Variants in MIR2052HG observed in about 807,000 individuals in gnomAD.
MIR2052HG encodes the protein MIR2052 host gene.
intron 2 of MIR2052HG, among the ~76,000 whole-genome samples, chr8:74,617,472 TGTGTG>T (rs1195474081): frequency 6.6e-6 from 1 of 151,910 alleles, no homozygotes; most frequent in African/African-American, 2.4e-5. Flanking sequence ...TGTGTGTGTG[TGTGTG>T]TGTGTGTGTG....
At chr8:74,675,663 A>G (rs1809043552) in intron 2 of MIR2052HG, among the ~76,000 whole-genome samples, 1 of 152,000 alleles carries the variant, frequency 6.6e-6, no homozygotes, top group Non-Finnish European at 1.5e-5. Flanking sequence ...GACCTTTCTG[A>G]AGAATGACAG....
chr8:74,735,647 T>C (rs1181450914), intron 4 of MIR2052HG, among the ~76,000 whole-genome samples: 3 of 152,098 alleles, frequency 2.0e-5, no homozygotes, highest in Non-Finnish European at 4.4e-5. Flanking sequence ...CTTTGCTTCA[T>C]GAGATTCACA....
intron 2 of MIR2052HG, among the ~76,000 whole-genome samples, chr8:74,660,250 G>A (rs951611671): frequency 1.3e-5 from 2 of 152,168 alleles, no homozygotes; most frequent in Non-Finnish European, 2.9e-5. Flanking sequence ...AGTGGACCTG[G>A]ACTGAGCTTA....
chr8:74,651,397 G>T (rs888746408), intron 2 of MIR2052HG, among the ~76,000 whole-genome samples: 2 of 152,050 alleles, frequency 1.3e-5, no homozygotes, highest in African/African-American at 4.8e-5. Context: ...ATTCTTCTGT[G>T]AGTAAAAGTA....
Position 74,703,775 on chromosome 8 carries a change from T to C in MIR2052HG, n.371+93T>C, listed in dbSNP as rs1238958420. ...TGGTCCCCTTTCATACCACCATGAG[T>C]CTAGTCAAAGCTGATAGCGGGTTAA... is the stretch of plus-strand genomic sequence containing the variant. On this transcript the variant is annotated intron_variant and non_coding_transcript_variant, in intron 4 of 6. Transcript: ENST00000523442. The C allele has an allele frequency of 2.1e-5, 8 of 373,206 alleles. No homozygotes were observed. In the East Asian group the frequency reaches 5.4e-4, roughly 25 times the overall value. The allele number at this position is 373,206 out of a possible 1,614,324, so 23.1% of individuals were successfully genotyped here. A position where few individuals can be genotyped will look rare whatever the true frequency, so the allele number is the denominator to read the frequency against.
chr8:74,735,797 A>G lies in MIR2052HG; in HGVS notation n.372-16644A>G, dbSNP rs75401673. Among the ~76,000 whole-genome samples, 908 of 152,318 alleles carry G rather than the reference A, an allele frequency of 6.0e-3. 3 individuals are homozygous for G. Among genetic ancestry groups the G allele is most frequent in the East Asian group, 0.021 (109 of 5,176 alleles). ...CTCAAATGACTGATGTTGTCTCTAAATTGTGCTTGTGAAATCAAAAAAGGA... is the reference window on the plus strand; with the variant it reads ...CTCAAATGACTGATGTTGTCTCTAAGTTGTGCTTGTGAAATCAAAAAAGGA... On this transcript the variant is annotated intron_variant and non_coding_transcript_variant, in intron 4 of 6. Coordinates refer to ENST00000523442, the Ensembl canonical transcript of MIR2052HG.
chr8:74,725,557 G>A (rs1379243092), intron 4 of MIR2052HG, among the ~76,000 whole-genome samples: 2 of 152,184 alleles, frequency 1.3e-5, no homozygotes, highest in African/African-American at 4.8e-5. Context: ...GAATTCTGAT[G>A]TTGTTATATA....
chr8:74,693,237 C>T (rs779339064), intron 2 of MIR2052HG, among the ~76,000 whole-genome samples: 4 of 152,194 alleles, frequency 2.6e-5, no homozygotes, highest in Non-Finnish European at 4.4e-5. Flanking sequence ...AAGTGAAATA[C>T]ATGGCTAGAA....
chr8:74,694,690 A>G (rs1809277891), intron 2 of MIR2052HG, among the ~76,000 whole-genome samples: 1 of 152,246 alleles, frequency 6.6e-6, no homozygotes, highest in Non-Finnish European at 1.5e-5. Context: ...AGAGAAATGC[A>G]ATATACACTG....
At chr8:74,732,277 G>T (rs1809700410) in intron 4 of MIR2052HG, among the ~76,000 whole-genome samples, 1 of 152,094 alleles carries the variant, frequency 6.6e-6, no homozygotes, top group Admixed American at 6.6e-5. Context: ...ATGTGTGTAG[G>T]TTATAAGCAA....
At chr8:74,745,371 A>T (rs1290710128) in intron 4 of MIR2052HG, among the ~76,000 whole-genome samples, 1 of 152,236 alleles carries the variant, frequency 6.6e-6, no homozygotes, top group East Asian at 1.9e-4. Flanking sequence ...GTAAATAAGC[A>T]TTGATTTATT....
At chr8:74,625,771 A>C (rs988823311) in intron 2 of MIR2052HG, among the ~76,000 whole-genome samples, 4 of 152,228 alleles carry the variant, frequency 2.6e-5, no homozygotes, top group African/African-American at 9.6e-5. Context: ...TTTCATTGAC[A>C]AATGTAATAT....
intron 4 of MIR2052HG, chr8:74,752,340 T>C (rs1016125959): frequency 5.7e-6 from 2 of 349,016 alleles, no homozygotes; most frequent in African/African-American, 4.5e-5. Context: ...AATTACTAAT[T>C]TCAAAGGCAT....
chr8:74,692,024 C>G (rs1174680430), intron 2 of MIR2052HG, among the ~76,000 whole-genome samples: 1 of 152,136 alleles, frequency 6.6e-6, no homozygotes, highest in African/African-American at 2.4e-5. Context: ...TCTCAAAGGA[C>G]CACCATTGAG....
At chr8:74,652,969 A>T (rs1202874173) in intron 2 of MIR2052HG, among the ~76,000 whole-genome samples, 2 of 152,220 alleles carry the variant, frequency 1.3e-5, no homozygotes. Flanking sequence ...AGCATGCCAT[A>T]ACAAATTCCA....
At chr8:74,619,791 TA>T (rs1289226316) in intron 2 of MIR2052HG, among the ~76,000 whole-genome samples, 3 of 152,052 alleles carry the variant, frequency 2.0e-5, no homozygotes, top group Non-Finnish European at 4.4e-5. Flanking sequence ...ACACAAAACT[TA>T]ACTATATCTT....
At chr8:74,662,699 A>G (rs1808878195) in intron 2 of MIR2052HG, among the ~76,000 whole-genome samples, 1 of 152,166 alleles carries the variant, frequency 6.6e-6, no homozygotes, top group African/African-American at 2.4e-5. Context: ...GTTTCCACTT[A>G]TAGGGTGGAA....
chr8:74,687,320 A>C (rs1465910112), intron 2 of MIR2052HG, among the ~76,000 whole-genome samples: 1 of 152,316 alleles, frequency 6.6e-6, no homozygotes, highest in East Asian at 1.9e-4. Flanking sequence ...GAACTACCAT[A>C]TGATCCAGCA....
intron 4 of MIR2052HG, among the ~76,000 whole-genome samples, chr8:74,729,108 C>T (rs1047512847): frequency 6.6e-5 from 10 of 152,096 alleles, no homozygotes; most frequent in African/African-American, 1.2e-4. Context: ...AAGTCGCAAA[C>T]GAATAACTGG....
Sources: gnomAD v4.1 joint callset for allele counts (sites outside exome capture counted in the v4.1 genomes callset) on GRCh38, gnomAD v4.1.1 for gene constraint, MANE v1.5 for transcripts, NCBI Gene and HGNC (gene_info 2026-07-23, HGNC 2026-07-21) for gene names.